Variants in CROCC observed in about 807,000 individuals in gnomAD.
CROCC encodes rootletin.
CROCC carries 180 observed loss-of-function variants against 245.2 expected under a neutral mutation model. The ratio of observed to expected loss-of-function variants is 0.73; its 90% CI spans 0.65 to 0.83. CROCC has a LOEUF of 0.83. CROCC is among the 40% of genes least tolerant of loss of function. CROCC has a pLI of 0.00. For missense variants in CROCC, 2,688 were observed against 2,779.4 expected, an observed-to-expected ratio of 0.97 and a Z score of 0.74; for synonymous variants, 1,205 against 1,241.6, an observed-to-expected ratio of 0.97 and a Z score of 0.62.
At chr1:16,923,182 C>G (rs2075448190) in intron 2 of CROCC, among the ~76,000 whole-genome samples, 1 of 152,270 alleles carries the variant, frequency 6.6e-6, no homozygotes, top group South Asian at 2.1e-4. Context: ...ATGGCGCCGT[C>G]CATCCGTTTC....
rs1299936267 is a variant in CROCC, at chr1:16,946,246, C to T, written c.2137-13C>T. The T allele has an allele frequency of 2.5e-6, 4 of 1,609,150 alleles. No individual in the cohort carries two copies. In the South Asian group the frequency reaches 4.5e-5, roughly 18 times the overall value. On this transcript the variant is annotated splice_polypyrimidine_tract_variant and intron_variant, in intron 15 of 36. Coordinates refer to ENST00000375541, the MANE Select transcript of CROCC (RefSeq NM_014675.5). Reference sequence around the variant, plus strand: ...TTCTGCCTTTCCTCATTTCTCGGGGCCTGACCCTGCAGGCTGAGGCTGGCC... The same window carrying T: ...TTCTGCCTTTCCTCATTTCTCGGGGTCTGACCCTGCAGGCTGAGGCTGGCC...
At chr1:16,951,499 G>A (rs144779627) in intron 20 of CROCC, among the ~76,000 whole-genome samples, 166 of 152,318 alleles carry the variant, frequency 1.1e-3, no homozygotes, top group African/African-American at 3.8e-3. Flanking sequence ...CTGACTCTGG[G>A]TTTGAATTGC....
chr1:16,962,692 GTA>G (rs1432462008), intron 27 of CROCC, among the ~76,000 whole-genome samples: 5 of 150,014 alleles, frequency 3.3e-5, no homozygotes, highest in African/African-American at 1.2e-4. Context: ...TAATTTTTGT[GTA>G]TGTGTGTGTG....
intron 1 of CROCC, among the ~76,000 whole-genome samples, chr1:16,914,155 CGCGCGT>C (rs1489212425): frequency 6.6e-6 from 1 of 151,310 alleles, no homozygotes; most frequent in African/African-American, 2.4e-5. Flanking sequence ...GCCGGGGGCG[CGCGCGT>C]GCGCGGGGGC....
rs1288625279 is a variant in CROCC, at chr1:16,922,027, G to A, written c.9G>A (p.Leu3=). 2 of 1,550,828 alleles carry A rather than the reference G, an allele frequency of 1.3e-6. No homozygotes were observed. The highest frequency in any genetic ancestry group is 1.7e-6 in the Non-Finnish European group (2 of 1,146,740). Residue 3 remains leucine (L), a synonymous_variant, in exon 1 of 37, where the codon TTG becomes TTA. Transcript: ENST00000375541. ...CCCACAGCCTCCCCCCCATGAGCTT[G>A]GGGCTGGCGGGGGCACAGGAGGTGG... is the stretch of plus-strand genomic sequence containing the variant. MS[L]GLAGAQEVEL...
intron 1 of CROCC, among the ~76,000 whole-genome samples, chr1:16,916,183 C>CAAAAAAAAAAAAAAAAAAAAAAAA (rs58710425): frequency 1.2e-4 from 13 of 107,822 alleles, no homozygotes; most frequent in African/African-American, 2.9e-4. Flanking sequence ...GACTCTGCCT[C>CAAAAAAAAAAAAAAAAAAAAAAAA]AAAAAAAAAG....
At chr1:16,940,214 A>G (rs1203276699) in intron 13 of CROCC, 121 bp downstream of exon 13, 6 of 1,079,426 alleles carry the variant, frequency 5.6e-6, no homozygotes, top group Non-Finnish European at 6.6e-6. Flanking sequence ...GCATGTGCCT[A>G]TTAACGTTTA....
chr1:16,963,228 C>A (rs2076362773), intron 27 of CROCC, among the ~76,000 whole-genome samples: 1 of 148,416 alleles, frequency 6.7e-6, no homozygotes, highest in African/African-American at 2.5e-5. Flanking sequence ...AAGGTAGGGG[C>A]TAGGGCAGTT....
At position 16,970,770 on chromosome 1, in the gene CROCC, C is replaced by A; in HGVS notation, c.5784+3C>A. 6.3e-7 allele frequency: 1 copy of A among 1,577,162 alleles called. No homozygotes were observed. Among genetic ancestry groups the A allele is most frequent in the South Asian group, 1.2e-5 (1 of 84,916 alleles). On this transcript the variant is annotated splice_donor_region_variant and intron_variant, in intron 35 of 36. Transcript: ENST00000375541. The stretch of plus-strand genomic sequence containing the variant: ...AGAGGCAGATCCAGCAGCTGGAGGT[C>A]TGACCCCACCCAGTCCGGGACCCCA...
rs1465162588 is a variant in CROCC, at chr1:16,955,462, G to A, written c.3616G>A (p.Gly1206Ser). 1 of 1,591,474 alleles carries A rather than the reference G, an allele frequency of 6.3e-7. No individual in the cohort carries two copies. The change falls in exon 24 of 37, where the codon GGC becomes AGC. Residue 1206 changes from glycine (G) to serine (S), a missense_variant. Physicochemically the swap from Gly to Ser is moderately conservative, Grantham distance 56. Around this residue, in one of 9 missense-constraint regions of CROCC, gnomAD observed 1,218 missense variants for 1,286.3 expected, o/e 0.95. Coordinates refer to ENST00000375541, the MANE Select transcript of CROCC (RefSeq NM_014675.5). ...GGCAGGCGAGCTGCGACGCAGCCTG[G>A]GCGAGGGTGCCAAGGAGCGCGAGGC... The part of the protein sequence containing the change: ...QEAGELRRSL[G>S]EGAKEREALR...
intron 16 of CROCC, among the ~76,000 whole-genome samples, 161 bp from the exon 17 acceptor site, chr1:16,946,600 C>G (rs1183815396): frequency 2.0e-5 from 3 of 152,288 alleles, no homozygotes; most frequent in African/African-American, 7.2e-5. Flanking sequence ...ATGGGCCCTC[C>G]TCATCTCCCC....
Position 16,938,981 on chromosome 1 carries a change from A to T in CROCC, c.1447A>T (p.Ser483Cys). ...GCGCACCGCGGATGCTTCCAACGGC[A>T]GCCTGCGGGGGCTCTCGGGCCAGCG... is the stretch of plus-strand genomic sequence containing the variant. Reference protein sequence around the residue: ...SERTADASNGSLRGLSGQRTP... With the variant: ...SERTADASNGCLRGLSGQRTP... Residue 483 changes from serine to cysteine, a missense_variant, in exon 12 of 37, where the codon AGC becomes TGC. Ser to Cys is a moderately radical substitution (Grantham distance 112, BLOSUM62 -1). This residue lies in a region of CROCC where 972 missense variants were observed against 895.3 expected (regional missense o/e 1.09). Coordinates refer to ENST00000375541, the MANE Select transcript of CROCC (RefSeq NM_014675.5). The T allele has an allele frequency of 6.2e-7, 1 of 1,604,954 alleles. No individual in the cohort carries two copies. Among genetic ancestry groups the T allele is most frequent in the Non-Finnish European group, 8.5e-7 (1 of 1,177,188 alleles).
intron 26 of CROCC, among the ~76,000 whole-genome samples, chr1:16,959,433 C>A (rs886380118): frequency 6.6e-6 from 1 of 152,240 alleles, no homozygotes; most frequent in Non-Finnish European, 1.5e-5. Context: ...ACCCGCTCTG[C>A]CTTTTCCGGC....
At chr1:16,943,545 A>T (rs1438903716) in intron 13 of CROCC, among the ~76,000 whole-genome samples, 2 of 152,270 alleles carry the variant, frequency 1.3e-5, no homozygotes, top group African/African-American at 2.4e-5. Flanking sequence ...CTCAAAAAAA[A>T]AAAATAAAAC....
At position 16,924,448 on chromosome 1, in the gene CROCC, T is replaced by TCG. The variant is rs1192163956; in HGVS notation, c.322_323dup (p.Ile109ProfsTer99). 1 of 1,613,486 alleles carries TCG rather than the reference T, an allele frequency of 6.2e-7. No homozygotes were observed. Among genetic ancestry groups the TCG allele is most frequent in the East Asian group, 2.2e-5 (1 of 44,886 alleles). On this transcript the variant is annotated frameshift_variant, in exon 3 of 37. Coordinates refer to ENST00000375541, the MANE Select transcript of CROCC (RefSeq NM_014675.5). LOFTEE classifies it high-confidence loss of function. Reference sequence around the variant, plus strand: ...CAGAGCCGTGCCGAGCGCGATGAGCTCGCCATTAAGTACAATGCGGTCAGC... The same window carrying TCG: ...CAGAGCCGTGCCGAGCGCGATGAGCTCGCGCCATTAAGTACAATGCGGTCAGC...
chr1:16,946,625 A>G (rs577783658), intron 16 of CROCC, 136 bp from the exon 17 acceptor site: 1,243 of 1,127,294 alleles, frequency 1.1e-3, no homozygotes, highest in Non-Finnish European at 1.4e-3. Flanking sequence ...CCAGTGTCCC[A>G]TACACCCAAG....
upstream of CROCC, chr1:16,921,899 C>T (rs1409471947): frequency 5.4e-6 from 6 of 1,102,572 alleles, no homozygotes; most frequent in Middle Eastern, 2.3e-4. Flanking sequence ...GGGGCGCCGC[C>T]GGATTTAAGC....
At chr1:16,970,861 C>T (rs2076506146) in intron 35 of CROCC, 94 bp downstream of exon 35, 2 of 1,385,978 alleles carry the variant, frequency 1.4e-6, no homozygotes, top group African/African-American at 2.9e-5. Context: ...GCCCAGGGCC[C>T]ATAACCCCCT....
Position 16,944,148 on chromosome 1 carries a change from C to A in CROCC, c.1857C>A (p.Ala619=). Residue 619 remains alanine, a synonymous_variant, in exon 14 of 37, where the codon GCC becomes GCA. Transcript: ENST00000375541. ...AHSLQVAQQQ[A]EELRQEREKL... ...GCCTGCAGGTGGCCCAGCAGCAGGC[C>A]GAGGAGCTGCGGCAGGAGCGGGAGA... The A allele has an allele frequency of 1.3e-6, 2 of 1,559,670 alleles. No individual in the cohort carries two copies. Among genetic ancestry groups the A allele is most frequent in the South Asian group, 1.2e-5 (1 of 84,526 alleles).
Sources: gnomAD v4.1 joint callset for allele counts (sites outside exome capture counted in the v4.1 genomes callset) on GRCh38, gnomAD v4.1.1 for gene constraint, gnomAD v4.1.1 regional missense constraint, MANE v1.5 for transcripts, NCBI Gene and HGNC (gene_info 2026-07-23, HGNC 2026-07-21) for gene names.